SCGB1A1: variants seen among roughly 807,000 people sequenced by gnomAD.
The protein encoded by SCGB1A1 is secretoglobin family 1A member 1.
A neutral mutation model predicts 7.5 loss-of-function variants in SCGB1A1; 8 were observed. That is an observed-to-expected ratio of 1.07 (90% CI 0.63 to 1.92). The LOEUF (loss-of-function observed/expected upper bound fraction) is 1.92. Among genes scored for constraint, SCGB1A1 ranks in the 30% most tolerant of loss-of-function variants. The probability of loss-of-function intolerance (pLI) is 0.00; values close to 1 mark genes in which losing one functional copy is unlikely to be tolerated. For missense variants in SCGB1A1, 121 were observed against 112.7 expected (o/e 1.07, Z -0.33); for synonymous variants, 44 against 40.8 (o/e 1.08, Z -0.30).
Position 62,419,059 on chromosome 11 carries a change from G to C in SCGB1A1, c.-37G>C. 6.4e-7 allele frequency: 1 copy of C among 1,558,176 alleles called. No individual in the cohort carries two copies. ...TACTAGCCCACCAGACTCAGAGACG[G>C]AACCAGAGACGGGCCAGAGCATCCC... On this transcript the variant is annotated 5_prime_UTR_variant, in exon 1 of 3. Coordinates refer to ENST00000278282, the MANE Select transcript of SCGB1A1 (RefSeq NM_003357.5).
intron 1 of SCGB1A1, 98 bp downstream of exon 1, chr11:62,419,248 C>T: frequency 1.0e-6 from 1 of 984,328 alleles, no homozygotes; most frequent in Non-Finnish European, 1.4e-6. Context: ...CATTCCTGCT[C>T]TGGAGCTGCT....
chr11:62,419,149 C>T lies in SCGB1A1; in HGVS notation c.54C>T (p.Ser18=), dbSNP rs370830538. The change falls in exon 1 of 3, where the codon TCC becomes TCT. Residue 18 remains serine, a splice_region_variant and synonymous_variant. Transcript: ENST00000278282. The stretch of plus-strand genomic sequence containing the variant: ...TCACACTGGCTCTCTGCTGCAGCTC[C>T]GGTGAGTGCTCAGAGACCCTTCCCT... ...TLVTLALCCS[S]ASAEICPSFQ... The T allele has an allele frequency of 2.1e-5, 33 of 1,560,780 alleles. No individual in the cohort carries two copies. The highest frequency in any genetic ancestry group is 1.9e-4 in the East Asian group (8 of 41,934).
At chr11:62,420,962 TTTAAA>T (rs1199484149) in intron 1 of SCGB1A1, among the ~76,000 whole-genome samples, 1 of 150,746 alleles carries the variant, frequency 6.6e-6, no homozygotes, top group Non-Finnish European at 1.5e-5. Context: ...AAAAATAAAA[TTTAAA>T]TTAAATTAAA....
intron 1 of SCGB1A1, 132 bp downstream of exon 1, chr11:62,419,282 C>T: frequency 1.5e-6 from 1 of 665,038 alleles, no homozygotes; most frequent in Non-Finnish European, 2.2e-6. Context: ...CATGCTGAGT[C>T]TCAGAAAACT....
chr11:62,419,675 G>A (rs2513035), intron 1 of SCGB1A1, among the ~76,000 whole-genome samples: 10,812 of 152,184 alleles, frequency 0.071, 1,263 homozygotes, highest in African/African-American at 0.25. Context: ...CTTCCCTTTG[G>A]GGAACTGCCA....
At chr11:62,422,966 G>A in intron 2 of SCGB1A1, 93 bp from the exon 3 acceptor site, 1 of 1,202,756 alleles carries the variant, frequency 8.3e-7, no homozygotes. Flanking sequence ...CTCGGTTAAT[G>A]TTGAAGTTTC....
At position 62,419,071 on chromosome 11, in the gene SCGB1A1, G is replaced by A. The variant is rs970410021; in HGVS notation, c.-25G>A. 8.9e-6 allele frequency: 14 copies of A among 1,577,636 alleles called. No homozygotes were observed. The African/African-American group carries it at 1.6e-4, about 18-fold the overall frequency. On this transcript the variant is annotated 5_prime_UTR_variant, in exon 1 of 3. Coordinates refer to ENST00000278282, the MANE Select transcript of SCGB1A1 (RefSeq NM_003357.5). ...AGACTCAGAGACGGAACCAGAGACG[G>A]GCCAGAGCATCCCCCTCCTCCACCA...
At chr11:62,421,938 C>T in intron 1 of SCGB1A1, 2 of 233,732 alleles carry the variant, frequency 8.6e-6, no homozygotes, top group Non-Finnish European at 1.7e-5. Flanking sequence ...GTGGCCTCTT[C>T]CCAGCCTCCA....
Position 62,423,049 on chromosome 11 carries a change from T to C in SCGB1A1, c.244-10T>C. 1 of 1,613,690 alleles carries C rather than the reference T, an allele frequency of 6.2e-7. No homozygotes were observed. Among genetic ancestry groups the C allele is most frequent in the Non-Finnish European group, 8.5e-7 (1 of 1,179,584 alleles). On this transcript the variant is annotated splice_polypyrimidine_tract_variant and intron_variant, in intron 2 of 2. Transcript: ENST00000278282. ...TTGGGTTTTTCTGTTTCTTTGTCTATTTGTTTTAGGAAAAAATAGCCCAAA... is the reference window on the plus strand; with the variant it reads ...TTGGGTTTTTCTGTTTCTTTGTCTACTTGTTTTAGGAAAAAATAGCCCAAA...
At chr11:62,422,983 T>C in intron 2 of SCGB1A1, 76 bp from the exon 3 acceptor site, 2 of 1,380,886 alleles carry the variant, frequency 1.4e-6, no homozygotes, top group Non-Finnish European at 2.1e-6. Context: ...TTTCTGTGGC[T>C]CGTCATCTCT....
intron 1 of SCGB1A1, among the ~76,000 whole-genome samples, chr11:62,421,652 C>T (rs908862510): frequency 1.3e-5 from 2 of 152,032 alleles, no homozygotes; most frequent in South Asian, 4.2e-4. Context: ...GCTAGGATTA[C>T]GGGTGCCCAG....
intron 2 of SCGB1A1, among the ~76,000 whole-genome samples, chr11:62,422,854 G>A (rs563563352): frequency 9.9e-5 from 15 of 152,224 alleles, no homozygotes; most frequent in African/African-American, 2.9e-4. Context: ...CATTACAGGC[G>A]TGAGCCACCA....
intron 1 of SCGB1A1, 26 bp from the exon 2 acceptor site, chr11:62,422,195 T>C (rs759142963): frequency 2.5e-6 from 4 of 1,578,484 alleles, no homozygotes; most frequent in Non-Finnish European, 3.5e-6. Context: ...CCTGGAGACA[T>C]GTGCCTTCTC....
chr11:62,422,096 C>T (rs1590785079), intron 1 of SCGB1A1, 125 bp from the exon 2 acceptor site: 3 of 687,202 alleles, frequency 4.4e-6, no homozygotes, highest in East Asian at 2.7e-5. Flanking sequence ...TCTAGTCCAT[C>T]GATGAAAAGG....
Position 62,423,126 on chromosome 11 carries a change from C to T in SCGB1A1, c.*35C>T, listed in dbSNP as rs1937843563. 1 of 1,607,736 alleles carries T rather than the reference C, an allele frequency of 6.2e-7. No individual in the cohort carries two copies. The highest frequency in any genetic ancestry group is 8.5e-7 in the Non-Finnish European group (1 of 1,174,368). ...GCTGAAGATCCCCAACTGCTCCAGC[C>T]TCTGCCGCTGCCATGCTTTGAGTCC... is the stretch of plus-strand genomic sequence containing the variant. On this transcript the variant is annotated 3_prime_UTR_variant, in exon 3 of 3. Coordinates refer to ENST00000278282, the MANE Select transcript of SCGB1A1 (RefSeq NM_003357.5).
chr11:62,419,121 TG>T lies in SCGB1A1; in HGVS notation c.28del (p.Val10SerfsTer46). The stretch of plus-strand genomic sequence containing the variant: ...ATGAAACTCGCTGTCACCCTCACCC[TG>T]GTCACACTGGCTCTCTGCTGCAGCT... MKLAVTLT[L>X]VTLALCCSSA... On this transcript the variant is annotated frameshift_variant, in exon 1 of 3. Transcript: ENST00000278282. LOFTEE classifies it high-confidence loss of function. The T allele has an allele frequency of 6.3e-7, 1 of 1,585,326 alleles. No homozygotes were observed. Among genetic ancestry groups the T allele is most frequent in the Non-Finnish European group, 8.6e-7 (1 of 1,163,218 alleles).
Position 62,423,121 on chromosome 11 carries a change from C to A in SCGB1A1, c.*30C>A. The A allele has an allele frequency of 6.2e-7, 1 of 1,610,478 alleles. No individual in the cohort carries two copies. The highest frequency in any genetic ancestry group is 1.7e-5 in the Admixed American group (1 of 60,008). On this transcript the variant is annotated 3_prime_UTR_variant, in exon 3 of 3. Transcript: ENST00000278282. ...TAGAAGCTGAAGATCCCCAACTGCT[C>A]CAGCCTCTGCCGCTGCCATGCTTTG... is the stretch of plus-strand genomic sequence containing the variant.
At chr11:62,422,199 C>T in intron 1 of SCGB1A1, 22 bp from the exon 2 acceptor site, 1 of 1,583,142 alleles carries the variant, frequency 6.3e-7, no homozygotes. Context: ...GAGACATGTG[C>T]CTTCTCTCCT....
At position 62,419,130 on chromosome 11, in the gene SCGB1A1, T is replaced by C; in HGVS notation, c.35T>C (p.Leu12Pro). The C allele has an allele frequency of 1.3e-6, 2 of 1,584,454 alleles. No homozygotes were observed. The highest frequency in any genetic ancestry group is 1.2e-5 in the South Asian group (1 of 85,902). ...KLAVTLTLVT[L>P]ALCCSSASAE... The stretch of plus-strand genomic sequence containing the variant: ...GCTGTCACCCTCACCCTGGTCACAC[T>C]GGCTCTCTGCTGCAGCTCCGGTGAG... Residue 12 changes from leucine (L) to proline (P), a missense_variant, in exon 1 of 3, where the codon CTG (leucine) becomes CCG (proline). Physicochemically the swap from Leu to Pro is moderately conservative, Grantham distance 98 (BLOSUM62 -3). Transcript: ENST00000278282.
Sources: allele counts gnomAD v4.1 joint callset (sites outside exome capture counted in the v4.1 genomes callset), GRCh38; gene constraint gnomAD v4.1.1; transcripts MANE v1.5; gene names NCBI Gene and HGNC (gene_info 2026-07-23, HGNC 2026-07-21).